The following PARN variants were observed in gnomAD, a reference collection of about 807,000 sequenced individuals.
PARN encodes the protein poly(A)-specific ribonuclease, also known as poly(A)-specific ribonuclease PARN.
In PARN, 71 loss-of-function variants were observed where a neutral mutation model predicts 102.8. That is an observed-to-expected ratio of 0.69 (90% CI 0.57 to 0.84). The LOEUF is 0.84. Ranked by LOEUF, PARN falls within the 40% of genes least tolerant of loss-of-function variation. PARN has a pLI of 0.00. For synonymous variants in PARN, 261 were observed against 252.9 expected (o/e 1.03, Z -0.30); for missense variants, 782 against 760.9 (o/e 1.03, Z -0.33).
chr16:14,449,550 C>A (rs902730771), intron 22 of PARN, among the ~76,000 whole-genome samples: 2 of 152,046 alleles, frequency 1.3e-5, no homozygotes, highest in Non-Finnish European at 2.9e-5. Context: ...CAATAAATAA[C>A]GTGAGCCAAG....
At position 14,613,799 on chromosome 16, in the gene PARN, A is replaced by C. The variant is rs568831138; in HGVS notation, c.389-2990T>G. 9.2e-5 allele frequency among the ~76,000 whole-genome samples: 14 copies of C among 152,348 alleles called. No homozygotes were observed. In the South Asian group the frequency reaches 2.3e-3, roughly 25 times the overall value. On this transcript the variant is annotated intron_variant, in intron 6 of 23. Transcript: ENST00000437198. ...CATCACCAGTATTGGGACAAATGAC[A>C]TCACGTGCCTCCTGGTATGATACAC...
At chr16:14,472,881 CTTTT>C (rs1962827489) in intron 22 of PARN, among the ~76,000 whole-genome samples, 1 of 152,164 alleles carries the variant, frequency 6.6e-6, no homozygotes, top group African/African-American at 2.4e-5. Context: ...ATTTATGCAA[CTTTT>C]TTTCTCTACA....
intron 5 of PARN, among the ~76,000 whole-genome samples, chr16:14,624,150 T>C (rs1567466762): frequency 6.6e-6 from 1 of 152,148 alleles, no homozygotes; most frequent in Non-Finnish European, 1.5e-5. Context: ...TTAAAGAACA[T>C]ATTAAATTGT....
chr16:14,624,928 T>C (rs968707426), intron 5 of PARN, among the ~76,000 whole-genome samples: 13 of 152,040 alleles, frequency 8.6e-5, no homozygotes, highest in African/African-American at 2.9e-4. Flanking sequence ...TGCATGCCTG[T>C]AATAACAGCT....
chr16:14,504,237 T>C (rs1964770756), intron 21 of PARN, among the ~76,000 whole-genome samples: 1 of 152,182 alleles, frequency 6.6e-6, no homozygotes, highest in South Asian at 2.1e-4. Context: ...GTTAAATAAT[T>C]ATGCTATTCA....
intron 18 of PARN, among the ~76,000 whole-genome samples, chr16:14,562,347 A>C (rs1026094538): frequency 2.0e-5 from 3 of 150,912 alleles, no homozygotes; most frequent in Non-Finnish European, 4.4e-5. Context: ...AGTCCGAGCT[A>C]CTTGGGAGGC....
chr16:14,609,474 G>A (rs1279278524), intron 7 of PARN, among the ~76,000 whole-genome samples: 1 of 152,122 alleles, frequency 6.6e-6, no homozygotes, highest in African/African-American at 2.4e-5. Flanking sequence ...CAGAAGCGGA[G>A]GTGGGAGGAT....
intron 7 of PARN, 119 bp downstream of exon 7, chr16:14,610,525 T>G (rs1420601515): frequency 1.8e-6 from 1 of 565,708 alleles, no homozygotes; most frequent in African/African-American, 1.9e-5. Context: ...TATCCTGCCA[T>G]TCACAACATC....
chr16:14,545,775 C>T (rs1252418900), intron 21 of PARN, among the ~76,000 whole-genome samples: 1 of 152,168 alleles, frequency 6.6e-6, no homozygotes, highest in Non-Finnish European at 1.5e-5. Flanking sequence ...TTCAGCACCA[C>T]CTCTTACCAA....
At position 14,446,914 on chromosome 16, in the gene PARN, C is replaced by T. The variant is rs1961224378; in HGVS notation, c.1838G>A (p.Arg613Lys). ...TGCTGGAGAAAGCTCCTTCTTCATT[C>T]TTTTTAATTTCTTGGCCTTTTTCCT... ...EGRKKAKKLK[R>K]MKKELSPAGS... Residue 613 changes from arginine to lysine, a missense_variant, in exon 23 of 24, where the codon AGA (arginine) becomes AAA (lysine). Coordinates refer to ENST00000437198, the MANE Select transcript of PARN (RefSeq NM_002582.4). The T allele has an allele frequency of 1.9e-6, 3 of 1,613,064 alleles. No homozygotes were observed. The African/African-American group carries it at 4.0e-5, about 22-fold the overall frequency.
chr16:14,532,161 G>C (rs1269066823), intron 21 of PARN, among the ~76,000 whole-genome samples: 4 of 149,794 alleles, frequency 2.7e-5, no homozygotes, highest in East Asian at 1.9e-4. Context: ...CAAGGCACAA[G>C]ATTCAAACTC....
chr16:14,578,137 T>C (rs1448145065), intron 18 of PARN, among the ~76,000 whole-genome samples: 1 of 148,536 alleles, frequency 6.7e-6, no homozygotes, highest in Admixed American at 6.7e-5. Context: ...GAGACCAGCC[T>C]GGCCAACATG....
intron 21 of PARN, among the ~76,000 whole-genome samples, chr16:14,517,815 A>G (rs1965531749): frequency 6.6e-6 from 1 of 151,954 alleles, no homozygotes. Flanking sequence ...AGTAGCTGGG[A>G]TTACAGGTGT....
chr16:14,439,030 G>T (rs1338269064), intron 23 of PARN, among the ~76,000 whole-genome samples: 1 of 152,154 alleles, frequency 6.6e-6, no homozygotes. Context: ...CATTTTCACA[G>T]CCCTGTTTTA....
chr16:14,628,022 AC>A, intron 3 of PARN, 149 bp downstream of exon 3: 1 of 643,012 alleles, frequency 1.6e-6, no homozygotes, highest in East Asian at 2.8e-5. Context: ...ACAAGACAAA[AC>A]AAAAAAAAAA....
In PARN at chr16:14,556,968, T is replaced by C. The variant is rs143647368; in HGVS notation, c.1263-1259A>G. ...ATCACACTAATATAAATCATAGCAG[T>C]CATTTTATGTTTATCTTCCAAAATG... On this transcript the variant is annotated intron_variant, in intron 18 of 23. Transcript: ENST00000437198. Among the ~76,000 whole-genome samples, 12 of 152,302 alleles carry C rather than the reference T, an allele frequency of 7.9e-5. 1 individual carries two copies. The East Asian group carries it at 1.9e-3, about 24-fold the overall frequency.
At chr16:14,531,067 C>G (rs1225881358) in intron 21 of PARN, among the ~76,000 whole-genome samples, 1 of 152,170 alleles carries the variant, frequency 6.6e-6, no homozygotes, top group African/African-American at 2.4e-5. Context: ...TGTCAAAAGG[C>G]AGGCCAGGCG....
intron 5 of PARN, among the ~76,000 whole-genome samples, chr16:14,619,534 G>A (rs1205712659): frequency 6.6e-6 from 1 of 152,056 alleles, no homozygotes; most frequent in Admixed American, 6.6e-5. Context: ...GGAGATGGTG[G>A]GAGGATCGCT....
At chr16:14,461,680 G>A (rs1033676754) in intron 22 of PARN, among the ~76,000 whole-genome samples, 7 of 152,300 alleles carry the variant, frequency 4.6e-5, no homozygotes, top group South Asian at 4.1e-4. Context: ...CAACATTCCC[G>A]TGGTCAGCTA....
Sources: gnomAD v4.1 joint callset for allele counts (sites outside exome capture counted in the v4.1 genomes callset) on GRCh38, gnomAD v4.1.1 for gene constraint, MANE v1.5 for transcripts, NCBI Gene and HGNC (gene_info 2026-07-23, HGNC 2026-07-21) for gene names.